GLIS3: variants seen among roughly 807,000 people sequenced by gnomAD.
GLIS3 encodes the protein GLIS family zinc finger 3.
GLIS3 carries 53 observed loss-of-function variants against 78.6 expected under a neutral mutation model. The ratio of observed to expected loss-of-function variants is 0.67; its 90% CI spans 0.54 to 0.85. GLIS3 has a LOEUF of 0.85. Ranked by LOEUF, GLIS3 falls within the 40% of genes least tolerant of loss-of-function variation. The pLI is 0.00. For synonymous variants in GLIS3, 684 were observed against 509.9 expected, an observed-to-expected ratio of 1.34 and a Z score of -4.60; for missense variants, 1,703 against 1,231.1, an observed-to-expected ratio of 1.38 and a Z score of -5.74.
At chr9:4,322,835 C>A (rs1817554115) in intron 2 of GLIS3, among the ~76,000 whole-genome samples, 1 of 152,132 alleles carries the variant, frequency 6.6e-6, no homozygotes, top group Non-Finnish European at 1.5e-5. Flanking sequence ...GGGTAGATTG[C>A]AAAAATTTTC....
At chr9:4,160,685 T>C (rs1317562195) in intron 2 of GLIS3, among the ~76,000 whole-genome samples, 1 of 152,246 alleles carries the variant, frequency 6.6e-6, no homozygotes, top group Admixed American at 6.5e-5. Context: ...TTATTACAAT[T>C]TCAATATTTA....
At chr9:4,468,540 T>C in the GLIS3 span, among the ~76,000 whole-genome samples, 11 of 152,118 alleles carry the variant, frequency 7.2e-5, no homozygotes, top group African/African-American at 2.7e-4. Flanking sequence ...AAACTAAACT[T>C]CGTAAGTGAA....
intron 2 of GLIS3, among the ~76,000 whole-genome samples, chr9:4,321,478 C>CT (rs1817528232): frequency 8.5e-6 from 1 of 117,688 alleles, no homozygotes; most frequent in Non-Finnish European, 1.7e-5. Context: ...GTGCCTAGAA[C>CT]TGGATTAATC....
At chr9:4,056,742 A>G (rs777598080) in intron 4 of GLIS3, among the ~76,000 whole-genome samples, 8 of 151,986 alleles carry the variant, frequency 5.3e-5, no homozygotes, top group Non-Finnish European at 1.0e-4. Flanking sequence ...CACACAAACT[A>G]TGACGTCAAA....
intron 4 of GLIS3, among the ~76,000 whole-genome samples, chr9:4,116,007 T>C (rs1190076864): frequency 1.3e-5 from 2 of 152,234 alleles, no homozygotes; most frequent in Admixed American, 1.3e-4. Context: ...CACTGAAGTA[T>C]TTATATTTTT....
intron 9 of GLIS3, 29 bp from the exon 10 acceptor site, chr9:3,829,521 A>G (rs553054277): frequency 6.2e-7 from 1 of 1,613,162 alleles, no homozygotes; most frequent in African/African-American, 1.3e-5. Context: ...ATTGAGCACA[A>G]GTTCCTTTGG....
intron 2 of GLIS3, among the ~76,000 whole-genome samples, chr9:4,251,768 C>A (rs1161498335): frequency 6.6e-6 from 1 of 152,156 alleles, no homozygotes; most frequent in South Asian, 2.1e-4. Flanking sequence ...ATGTTTAGTG[C>A]TTCCTTCAGG....
intron 8 of GLIS3, among the ~76,000 whole-genome samples, chr9:3,862,318 CGT>C (rs1475004798): frequency 6.6e-6 from 1 of 152,060 alleles, no homozygotes; most frequent in East Asian, 1.9e-4. Context: ...AGTGGGAGAG[CGT>C]GTCAGCAACA....
intron 4 of GLIS3, among the ~76,000 whole-genome samples, chr9:3,989,353 C>G (rs1820032794): frequency 1.3e-5 from 2 of 152,164 alleles, no homozygotes; most frequent in South Asian, 2.1e-4. Context: ...TAAAACTAAT[C>G]ATAAAATTAC....
intron 7 of GLIS3, among the ~76,000 whole-genome samples, chr9:3,894,617 G>C (rs1473470304): frequency 1.4e-5 from 2 of 147,696 alleles, no homozygotes; most frequent in Non-Finnish European, 2.9e-5. Context: ...CTCCCAGTAA[G>C]GAGGGTAAAG....
intron 3 of GLIS3, among the ~76,000 whole-genome samples, chr9:4,120,442 A>T (rs2130890491): frequency 6.6e-6 from 1 of 152,302 alleles, no homozygotes. Flanking sequence ...TCTTTTTGCA[A>T]CCTCCACAGT....
chr9:3,924,435 A>G (rs1483406050), intron 6 of GLIS3, among the ~76,000 whole-genome samples: 1 of 152,238 alleles, frequency 6.6e-6, no homozygotes, highest in East Asian at 1.9e-4. Flanking sequence ...GAAGCAATTC[A>G]TGGCAGTGCT....
At chr9:4,421,434 C>T in the GLIS3 span, among the ~76,000 whole-genome samples, 1 of 152,264 alleles carries the variant, frequency 6.6e-6, no homozygotes, top group Non-Finnish European at 1.5e-5. Flanking sequence ...GCTGGCTGGT[C>T]TGATGGAAGT....
intron 6 of GLIS3, among the ~76,000 whole-genome samples, chr9:3,906,277 G>A (rs1007615653): frequency 5.3e-5 from 8 of 152,200 alleles, no homozygotes; most frequent in East Asian, 1.9e-4. Context: ...GCAGAATACC[G>A]GAAGAGGACA....
intron 2 of GLIS3, among the ~76,000 whole-genome samples, chr9:4,250,918 G>A (rs188336040): frequency 5.9e-5 from 9 of 152,268 alleles, no homozygotes; most frequent in African/African-American, 1.4e-4. Flanking sequence ...GTAGTTGTGC[G>A]GTTTTGAGTG....
chr9:3,989,584 G>A (rs1820052457), intron 4 of GLIS3, among the ~76,000 whole-genome samples: 1 of 152,128 alleles, frequency 6.6e-6, no homozygotes, highest in South Asian at 2.1e-4. Context: ...TGGAAACTTG[G>A]ATGAATCTCC....
At chr9:4,098,885 G>A (rs1403689089) in intron 4 of GLIS3, among the ~76,000 whole-genome samples, 1 of 152,088 alleles carries the variant, frequency 6.6e-6, no homozygotes, top group Non-Finnish European at 1.5e-5. Context: ...CTCAAAGTAG[G>A]AGATACTCAC....
rs182162506 is a variant in GLIS3, at chr9:4,152,222, A to G, written c.389-26281T>C. ...GAAGGAACCAAAGGAAGAACTTTCTAGAAATCAGAAGTGACTGGGAACCTT... is the reference window on the plus strand; with the variant it reads ...GAAGGAACCAAAGGAAGAACTTTCTGGAAATCAGAAGTGACTGGGAACCTT... On this transcript the variant is annotated intron_variant, in intron 2 of 10. Transcript: ENST00000381971. The G allele has an allele frequency of 8.9e-4, 469 of 528,566 alleles. 3 individuals are homozygous for G. The highest frequency in any genetic ancestry group is 8.8e-3 in the African/African-American group (428 of 48,700). 32.7% of individuals were successfully genotyped at this position (528,566 alleles called of 1,614,324 possible). A position where few individuals can be genotyped will look rare whatever the true frequency, so the allele number is the denominator to read the frequency against.
chr9:4,302,030 T>C (rs1817096929), upstream of GLIS3, among the ~76,000 whole-genome samples: 2 of 151,674 alleles, frequency 1.3e-5, no homozygotes. Flanking sequence ...AGATCTGCAA[T>C]GTTCTTATAT....
Sources: gnomAD v4.1 joint callset for allele counts (sites outside exome capture counted in the v4.1 genomes callset) on GRCh38, gnomAD v4.1.1 for gene constraint, MANE v1.5 for transcripts, NCBI Gene and HGNC (gene_info 2026-07-23, HGNC 2026-07-21) for gene names.